SHH: variants seen among roughly 807,000 people sequenced by gnomAD.
SHH encodes sonic hedgehog protein.
SHH carries 3 observed loss-of-function variants against 16.6 expected under a neutral mutation model. The observed-to-expected ratio is 0.18, with a 90% confidence interval of 0.08 to 0.47. The LOEUF is 0.47. SHH is among the 20% of genes least tolerant of loss of function. The pLI is 0.98. For synonymous variants in SHH, 351 were observed against 316.2 expected (o/e 1.11, Z -1.17); for missense variants, 499 against 665.0 (o/e 0.75, Z 2.75).
Position 155,803,362 on chromosome 7 carries a change from C to T in SHH, c.927G>A (p.Val309=), listed in dbSNP as rs1437208296. ...LGPRALFASR[V]RPGQRVYVVA... ...CCACGTACACGCGCTGGCCCGGGCG[C>T]ACGCGGCTGGCGAACAGCGCCCGAG... The change falls in exon 3 of 3, where the codon GTG becomes GTA. Residue 309 remains valine (V), a synonymous_variant. Coordinates refer to ENST00000297261, the MANE Select transcript of SHH (RefSeq NM_000193.4). The T allele has an allele frequency of 1.6e-5, 23 of 1,451,278 alleles. No homozygotes were observed. The highest frequency in any genetic ancestry group is 2.0e-5 in the Non-Finnish European group (22 of 1,113,998). 89.9% of individuals were successfully genotyped at this position (1,451,278 alleles called of 1,614,324 possible). A position where few individuals can be genotyped will look rare whatever the true frequency, so the allele number is the denominator to read the frequency against.
Position 155,809,417 on chromosome 7 carries a change from C to T in SHH, c.300+2406G>A, listed in dbSNP as rs1000111635. ...CGCCGGCCTGGGGCTCCCCTGCCGCCTCCTGCACCCCGCCCCTGCCCTCAG... is the reference window on the plus strand; with the variant it reads ...CGCCGGCCTGGGGCTCCCCTGCCGCTTCCTGCACCCCGCCCCTGCCCTCAG... On this transcript the variant is annotated intron_variant, in intron 1 of 2. Coordinates refer to ENST00000297261, the MANE Select transcript of SHH (RefSeq NM_000193.4). The surrounding 1 kb of genome is among the most constrained non-coding windows in gnomAD (Gnocchi z 6.1). Among the ~76,000 whole-genome samples, 3 of 152,122 alleles carry T rather than the reference C, an allele frequency of 2.0e-5. No homozygotes were observed. Among genetic ancestry groups the T allele is most frequent in the African/African-American group, 7.2e-5 (3 of 41,440 alleles).
At position 155,803,065 on chromosome 7, in the gene SHH, G is replaced by GT; in HGVS notation, c.1223_1224insA (p.Gly409ArgfsTer89). The GT allele has an allele frequency of 1.4e-6, 2 of 1,393,588 alleles. No individual in the cohort carries two copies. The highest frequency in any genetic ancestry group is 1.9e-6 in the Non-Finnish European group (2 of 1,071,298). The allele number at this position is 1,393,588 out of a possible 1,614,324, so 86.3% of individuals were successfully genotyped here. ...CGGTTAGGGCTACTCTGCCGCCGCC[G>GT]CCCCCGCGGTCCCCGCCGCCGCTGT... On this transcript the variant is annotated frameshift_variant, in exon 3 of 3. Coordinates refer to ENST00000297261, the MANE Select transcript of SHH (RefSeq NM_000193.4). LOFTEE classifies it low-confidence loss of function (END_TRUNC).
intron 1 of SHH, 67 bp from the exon 2 acceptor site, chr7:155,806,624 C>T (rs989797623): frequency 2.5e-5 from 39 of 1,591,814 alleles, no homozygotes; most frequent in Admixed American, 5.0e-5. Context: ...CCTCCCGGCC[C>T]CTCCATCAGC....
Position 155,802,895 on chromosome 7 carries a change from C to A in SHH, c.*5G>T, listed in dbSNP as rs752371542. ...CTCCCGCGCCCCTCCCCCGGCCCCCCGGCTTCAGCTGGACTTGACCGCCAT... is the reference window on the plus strand; with the variant it reads ...CTCCCGCGCCCCTCCCCCGGCCCCCAGGCTTCAGCTGGACTTGACCGCCAT... On this transcript the variant is annotated 3_prime_UTR_variant, in exon 3 of 3. Coordinates refer to ENST00000297261, the MANE Select transcript of SHH (RefSeq NM_000193.4). 8.7e-6 allele frequency: 12 copies of A among 1,377,446 alleles called. No individual in the cohort carries two copies. Among genetic ancestry groups the A allele is most frequent in the Non-Finnish European group, 1.0e-5 (11 of 1,056,708 alleles). 85.3% of individuals were successfully genotyped at this position (1,377,446 alleles called of 1,614,324 possible). A position where few individuals can be genotyped will look rare whatever the true frequency, so the allele number is the denominator to read the frequency against.
rs1342559546 is a variant in SHH, at chr7:155,812,273, C to T, written c.-151G>A. 2 of 750,350 alleles carry T rather than the reference C, an allele frequency of 2.7e-6. No homozygotes were observed. The highest frequency in any genetic ancestry group is 4.6e-6 in the Non-Finnish European group (2 of 433,566). 46.5% of individuals were successfully genotyped at this position (750,350 alleles called of 1,614,324 possible). ...GCTCTCTCCCTCGCTGGCTGCCTCG[C>T]TCTTTCTCTTCCTATATAACCTTGC... is the stretch of plus-strand genomic sequence containing the variant. On this transcript the variant is annotated 5_prime_UTR_variant, in exon 1 of 3. Coordinates refer to ENST00000297261, the MANE Select transcript of SHH (RefSeq NM_000193.4).
rs1177885281 is a variant in SHH at position 155,809,051 on chromosome 7, C to A, written c.301-2494G>T. 4 of 152,208 alleles carry A rather than the reference C, an allele frequency of 2.6e-5. No individual in the cohort carries two copies. In the East Asian group the frequency reaches 7.7e-4, roughly 29 times the overall value. The allele number at this position is 152,208 out of a possible 1,614,324, so 9.4% of individuals were successfully genotyped here. On this transcript the variant is annotated intron_variant, in intron 1 of 2. Coordinates refer to ENST00000297261, the MANE Select transcript of SHH (RefSeq NM_000193.4). This position sits in a 1 kb window ranked among gnomAD's most constrained non-coding sequence, Gnocchi z 6.1. ...ATTAAATCTATTTAGTGTAGCGGCT[C>A]GGGACCCCACTCCAGGCTTCAGATC...
intron 1 of SHH, among the ~76,000 whole-genome samples, chr7:155,808,307 C>A (rs1479480820): frequency 1.3e-5 from 2 of 152,258 alleles, no homozygotes; most frequent in Non-Finnish European, 2.9e-5. Flanking sequence ...ACCACCAACA[C>A]GCACAGGGAC....
rs572833081 is a variant in SHH, at chr7:155,809,835, G to C, written c.300+1988C>G. 6.5e-3 allele frequency among the ~76,000 whole-genome samples: 992 copies of C among 151,750 alleles called. 13 individuals carry two copies. Among genetic ancestry groups the C allele is most frequent in the African/African-American group, 0.023 (946 of 41,482 alleles). On this transcript the variant is annotated intron_variant, in intron 1 of 2. Coordinates refer to ENST00000297261, the MANE Select transcript of SHH (RefSeq NM_000193.4). This position sits in a 1 kb window ranked among gnomAD's most constrained non-coding sequence, Gnocchi z 6.1. ...TCCCCCGGCAGGGCGGACGGGGGTC[G>C]GGGGGAGGCCCCCGGGCTGGGGGCT...
At position 155,806,931 on chromosome 7, in the gene SHH, C is replaced by T. The variant is rs1199358584; in HGVS notation, c.301-374G>A. The T allele has an allele frequency of 2.5e-5, 8 of 315,532 alleles. No homozygotes were observed. The East Asian group carries it at 3.1e-4, about 12-fold the overall frequency. 19.5% of individuals were successfully genotyped at this position (315,532 alleles called of 1,614,324 possible). On this transcript the variant is annotated intron_variant, in intron 1 of 2. Coordinates refer to ENST00000297261, the MANE Select transcript of SHH (RefSeq NM_000193.4). ...CTCCAGGGGCACCCTCTGGGATACC[C>T]GCCCCGCCCCCACGTTGCCCTCCAC...
In SHH at chr7:155,803,415, C is replaced by G; in HGVS notation, c.874G>C (p.Gly292Arg). ...TGEPEASSGSGPPSGGALGPR... is the reference protein window; with the variant it reads ...TGEPEASSGSRPPSGGALGPR... ...CCCAGTGCGCCCCCGGAAGGCGGCC[C>G]CGAGCCCGAGGACGCCTCGGGCTCC... is the stretch of plus-strand genomic sequence containing the variant. The change falls in exon 3 of 3, where the codon GGG becomes CGG. Residue 292 changes from glycine (G) to arginine (R), a missense_variant. Gly to Arg is a moderately radical substitution (Grantham distance 125, BLOSUM62 -2). This residue lies in a region of SHH where 299 missense variants were observed against 301.1 expected (regional missense o/e 0.99). Transcript: ENST00000297261. 7 of 1,526,330 alleles carry G rather than the reference C, an allele frequency of 4.6e-6. No individual in the cohort carries two copies. Among genetic ancestry groups the G allele is most frequent in the Non-Finnish European group, 6.1e-6 (7 of 1,142,630 alleles). The allele number at this position is 1,526,330 out of a possible 1,614,324, so 94.5% of individuals were successfully genotyped here. A position where few individuals can be genotyped will look rare whatever the true frequency, so the allele number is the denominator to read the frequency against.
rs1390554632 is a variant in SHH, at chr7:155,807,750, A to G, written c.301-1193T>C. Among the ~76,000 whole-genome samples the G allele has an allele frequency of 3.3e-5, 5 of 152,200 alleles. No individual in the cohort carries two copies. The highest frequency in any genetic ancestry group is 7.3e-5 in the Non-Finnish European group (5 of 68,028). ...GGATTTAAAGAGGGGGAACTGGCAC[A>G]GATGACGATGGTGGCATCCCCCAAG... On this transcript the variant is annotated intron_variant, in intron 1 of 2. Coordinates refer to ENST00000297261, the MANE Select transcript of SHH (RefSeq NM_000193.4). The surrounding 1 kb of genome is among the most constrained non-coding windows in gnomAD (Gnocchi z 7.1).
chr7:155,809,431 C>T lies in SHH; in HGVS notation c.300+2392G>A, dbSNP rs1007206612. On this transcript the variant is annotated intron_variant, in intron 1 of 2. Transcript: ENST00000297261. This position sits in a 1 kb window ranked among gnomAD's most constrained non-coding sequence, Gnocchi z 6.1. ...TCCCCTGCCGCCTCCTGCACCCCGCCCCTGCCCTCAGCACCCGAGCCTCCG... is the reference window on the plus strand; with the variant it reads ...TCCCCTGCCGCCTCCTGCACCCCGCTCCTGCCCTCAGCACCCGAGCCTCCG... Among the ~76,000 whole-genome samples, 2 of 152,126 alleles carry T rather than the reference C, an allele frequency of 1.3e-5. No individual in the cohort carries two copies. The highest frequency in any genetic ancestry group is 4.8e-5 in the African/African-American group (2 of 41,430).
intron 1 of SHH, among the ~76,000 whole-genome samples, chr7:155,808,289 A>G (rs1803418602): frequency 2.6e-5 from 4 of 152,228 alleles, no homozygotes; most frequent in African/African-American, 9.6e-5. Flanking sequence ...CGTTGCGCGC[A>G]GGCGCACACC....
Position 155,803,161 on chromosome 7 carries a change from G to T in SHH, c.1128C>A (p.Ala376=). ...CGTGCGCCAGGCGGAAGGGCGCGAA[G>T]GCCCGGTGCGCCCAGCTGTGCTCCT... ...VIEEHSWAHR[A]FAPFRLAHAL... The change falls in exon 3 of 3, where the codon GCC becomes GCA. Residue 376 remains alanine (A), a synonymous_variant. Coordinates refer to ENST00000297261, the MANE Select transcript of SHH (RefSeq NM_000193.4). 1 of 1,446,404 alleles carries T rather than the reference G, an allele frequency of 6.9e-7. No homozygotes were observed. Among genetic ancestry groups the T allele is most frequent in the Non-Finnish European group, 9.1e-7 (1 of 1,097,662 alleles). The allele number at this position is 1,446,404 out of a possible 1,614,324, so 89.6% of individuals were successfully genotyped here.
At chr7:155,804,769 C>T (rs1295973968) in intron 2 of SHH, among the ~76,000 whole-genome samples, 1 of 144,494 alleles carries the variant, frequency 6.9e-6, no homozygotes, top group Non-Finnish European at 1.5e-5. Context: ...GAAGTTGGGG[C>T]GGAGCGCAGG....
chr7:155,811,801 C>T (rs1803528528), intron 1 of SHH, 22 bp downstream of exon 1: 2 of 1,612,952 alleles, frequency 1.2e-6, no homozygotes, highest in African/African-American at 2.7e-5. Flanking sequence ...ACACATTCCA[C>T]GCCCCGGCGC....
At chr7:155,804,939 C>A (rs2117132783) in intron 2 of SHH, among the ~76,000 whole-genome samples, 1 of 152,362 alleles carries the variant, frequency 6.6e-6, no homozygotes, top group African/African-American at 2.4e-5. Context: ...GCGGGGCTGG[C>A]CGTTGGAGGC....
chr7:155,809,641 T>C lies in SHH; in HGVS notation c.300+2182A>G, dbSNP rs1803457773. Reference sequence around the variant, plus strand: ...CCTCACCCAACCCCCACTTGGGCCGTCCTTCCCCCTCCTTTTGTGTTGGGA... The same window carrying C: ...CCTCACCCAACCCCCACTTGGGCCGCCCTTCCCCCTCCTTTTGTGTTGGGA... On this transcript the variant is annotated intron_variant, in intron 1 of 2. Transcript: ENST00000297261. The surrounding 1 kb of genome is among the most constrained non-coding windows in gnomAD (Gnocchi z 6.1). Among the ~76,000 whole-genome samples, 1 of 152,160 alleles carries C rather than the reference T, an allele frequency of 6.6e-6. No homozygotes were observed. Among genetic ancestry groups the C allele is most frequent in the Admixed American group, 6.5e-5 (1 of 15,274 alleles).
intron 2 of SHH, among the ~76,000 whole-genome samples, 159 bp from the exon 3 acceptor site, chr7:155,803,885 A>G (rs1803274929): frequency 6.6e-6 from 1 of 151,618 alleles, no homozygotes; most frequent in South Asian, 2.1e-4. Context: ...GGTCCCGCAC[A>G]CACCTCCCTC....
Sources: allele counts gnomAD v4.1 joint callset (sites outside exome capture counted in the v4.1 genomes callset), GRCh38; gene constraint gnomAD v4.1.1; regional missense constraint gnomAD v4.1.1; non-coding constraint Gnocchi (gnomAD v3.1); transcripts MANE v1.5; gene names NCBI Gene and HGNC (gene_info 2026-07-23, HGNC 2026-07-21).